The following MIF variants were observed in gnomAD, a reference collection of about 807,000 sequenced individuals.
MIF encodes the protein L-dopachrome isomerase.
In MIF, 16 loss-of-function variants were observed where a neutral mutation model predicts 11.3. The ratio of observed to expected loss-of-function variants is 1.42; its 90% confidence interval spans 0.96 to 2.16. The LOEUF (loss-of-function observed/expected upper bound fraction) is 2.16, where lower values mean the gene tolerates loss of function less well. Among genes scored for constraint, MIF ranks in the 30% most tolerant of loss-of-function variants. The pLI, the probability that MIF is intolerant of heterozygous loss-of-function variation, is 0.00. For synonymous variants in MIF, 83 were observed against 74.2 expected (o/e 1.12, Z -0.61); for missense variants, 229 against 165.3 (o/e 1.39, Z -2.11).
Position 23,894,493 on chromosome 22 carries a change from AACAC to A in MIF, c.20_23del (p.Asn7ThrfsTer95). The A allele has an allele frequency of 6.2e-7, 1 of 1,613,156 alleles. No individual in the cohort carries two copies. The highest frequency in any genetic ancestry group is 8.5e-7 in the Non-Finnish European group (1 of 1,179,794). On this transcript the variant is annotated frameshift_variant, in exon 1 of 3. Coordinates refer to ENST00000215754, the MANE Select transcript of MIF (RefSeq NM_002415.2). LOFTEE classifies it high-confidence loss of function. ...TGCCATCATGCCGATGTTCATCGTA[AACAC>A]CAACGTGCCCCGCGCCTCCGTGCCG...
Position 23,895,088 on chromosome 22 carries a change from C to A in MIF, c.330C>A (p.Asn110Lys). ...YDMNAANVGW[N>K]NSTFA ...TGAACGCGGCCAATGTGGGCTGGAA[C>A]AACTCCACCTTCGCCTAAGAGCCGC... is the stretch of plus-strand genomic sequence containing the variant. The change falls in exon 3 of 3, where the codon AAC (asparagine) becomes AAA (lysine). Residue 110 changes from asparagine to lysine, a missense_variant. Transcript: ENST00000215754. The A allele has an allele frequency of 6.4e-7, 1 of 1,558,254 alleles. No homozygotes were observed. Among genetic ancestry groups the A allele is most frequent in the Admixed American group, 1.9e-5 (1 of 52,028 alleles).
intron 1 of MIF, 69 bp from the exon 2 acceptor site, chr22:23,894,702 CG>C (rs2033122514): frequency 6.8e-7 from 1 of 1,474,522 alleles, no homozygotes. Context: ...GACGGTGGCT[CG>C]GGCCCGAAGT....
chr22:23,894,669 GC>G, intron 1 of MIF, 87 bp downstream of exon 1: 1 of 1,481,080 alleles, frequency 6.8e-7, no homozygotes, highest in Non-Finnish European at 9.0e-7. Context: ...CCTGAACGGA[GC>G]TGGGGGGCGG....
rs1436935185 is a variant in MIF at position 23,895,125 on chromosome 22, C to G, written c.*19C>G. ...CGCCTAAGAGCCGCAGGGACCCACG[C>G]TGTCTGCGCTGGCTCCACCCGGGAA... On this transcript the variant is annotated 3_prime_UTR_variant, in exon 3 of 3. Transcript: ENST00000215754. 1 of 1,551,628 alleles carries G rather than the reference C, an allele frequency of 6.4e-7. No individual in the cohort carries two copies. Among genetic ancestry groups the G allele is most frequent in the Admixed American group, 2.0e-5 (1 of 51,098 alleles).
At chr22:23,894,996 C>T (rs1262324950) in intron 2 of MIF, 44 bp from the exon 3 acceptor site, 2 of 1,541,980 alleles carry the variant, frequency 1.3e-6, no homozygotes, top group Non-Finnish European at 8.8e-7. Context: ...GCGGCCAGGC[C>T]CGGGACTGAG....
chr22:23,894,995 C>T (rs1242298189), intron 2 of MIF, 45 bp from the exon 3 acceptor site: 3 of 1,541,694 alleles, frequency 1.9e-6, no homozygotes, highest in Admixed American at 2.0e-5. Flanking sequence ...CGCGGCCAGG[C>T]CCGGGACTGA....
rs1325048445 is a variant in MIF, at chr22:23,894,612, G to T, written c.108+30G>T. ...GCCGGGAGGGGACAGGAAGAGGGGGGTGCCCACCGGACGAGGGGTTCCGCG... is the reference window on the plus strand; with the variant it reads ...GCCGGGAGGGGACAGGAAGAGGGGGTTGCCCACCGGACGAGGGGTTCCGCG... On this transcript the variant is annotated intron_variant, in intron 1 of 2. Coordinates refer to ENST00000215754, the MANE Select transcript of MIF (RefSeq NM_002415.2). 5.6e-6 allele frequency: 9 copies of T among 1,598,164 alleles called. No homozygotes were observed. The East Asian group carries it at 2.0e-4, about 36-fold the overall frequency.
chr22:23,894,610 G>C lies in MIF; in HGVS notation c.108+28G>C. On this transcript the variant is annotated intron_variant, in intron 1 of 2. Transcript: ENST00000215754. ...TTGCCGGGAGGGGACAGGAAGAGGG[G>C]GGTGCCCACCGGACGAGGGGTTCCG... The C allele has an allele frequency of 3.1e-6, 5 of 1,601,928 alleles. No individual in the cohort carries two copies. The South Asian group carries it at 5.5e-5, about 18-fold the overall frequency.
At chr22:23,894,615 C>G in intron 1 of MIF, 33 bp downstream of exon 1, 2 of 1,594,106 alleles carry the variant, frequency 1.3e-6, no homozygotes, top group South Asian at 2.2e-5. Context: ...GAGGGGGGTG[C>G]CCACCGGACG....
At chr22:23,894,617 C>T (rs1296249458) in intron 1 of MIF, 35 bp downstream of exon 1, 1 of 1,595,682 alleles carries the variant, frequency 6.3e-7, no homozygotes, top group Admixed American at 1.7e-5. Flanking sequence ...GGGGGGTGCC[C>T]ACCGGACGAG....
chr22:23,894,420 G>T lies in MIF; in HGVS notation c.-55G>T, dbSNP rs1161346164. On this transcript the variant is annotated 5_prime_UTR_variant, in exon 1 of 3. Coordinates refer to ENST00000215754, the MANE Select transcript of MIF (RefSeq NM_002415.2). ...GAAGTCAGGCACGTAGCTCAGCGGC[G>T]GCCGCGGCGCGTGCGTCTGTGCCTC... 4 of 1,437,428 alleles carry T rather than the reference G, an allele frequency of 2.8e-6. No homozygotes were observed. The highest frequency in any genetic ancestry group is 4.6e-5 in the East Asian group (2 of 43,764). 89.0% of individuals were successfully genotyped at this position (1,437,428 alleles called of 1,614,324 possible). A position where few individuals can be genotyped will look rare whatever the true frequency, so the allele number is the denominator to read the frequency against.
At position 23,895,051 on chromosome 22, in the gene MIF, A is replaced by G; in HGVS notation, c.293A>G (p.Asn98Ser). The G allele has an allele frequency of 6.4e-7, 1 of 1,556,472 alleles. No homozygotes were observed. Reference sequence around the variant, plus strand: ...TCCTCCCCCCGCAGGGTCTACATCAACTATTACGACATGAACGCGGCCAAT... The same window carrying G: ...TCCTCCCCCCGCAGGGTCTACATCAGCTATTACGACATGAACGCGGCCAAT... ...LRISPDRVYINYYDMNAANVG... is the reference protein window; with the variant it reads ...LRISPDRVYISYYDMNAANVG... The change falls in exon 3 of 3, where the codon AAC becomes AGC. Residue 98 changes from asparagine (N) to serine (S), a missense_variant. By Grantham distance (46) the Asn-to-Ser change is conservative. Transcript: ENST00000215754.
At position 23,894,785 on chromosome 22, in the gene MIF, A is replaced by C. The variant is rs200005486; in HGVS notation, c.122A>C (p.His41Pro). ...TGKPPQYIAVHVVPDQLMAFG... is the reference protein window; with the variant it reads ...TGKPPQYIAVPVVPDQLMAFG... ...CTTTCCTCGCAGTACATCGCGGTGC[A>C]CGTGGTCCCGGACCAGCTCATGGCC... The change falls in exon 2 of 3, where the codon CAC becomes CCC. Residue 41 changes from histidine (H) to proline (P), a missense_variant. Physicochemically the swap from His to Pro is moderately conservative, Grantham distance 77. Transcript: ENST00000215754. 800 of 1,542,718 alleles carry C rather than the reference A, an allele frequency of 5.2e-4. No homozygotes were observed. The highest frequency in any genetic ancestry group is 6.7e-4 in the Non-Finnish European group (767 of 1,147,370).
Position 23,894,813 on chromosome 22 carries a change from C to A in MIF, c.150C>A (p.Phe50Leu). ...VHVVPDQLMAFGGSSEPCALC... is the reference protein window; with the variant it reads ...VHVVPDQLMALGGSSEPCALC... ...TGGTCCCGGACCAGCTCATGGCCTT[C>A]GGCGGCTCCAGCGAGCCGTGCGCGC... The change falls in exon 2 of 3, where the codon TTC (phenylalanine) becomes TTA (leucine). Residue 50 changes from phenylalanine to leucine, a missense_variant. By Grantham distance (22) the Phe-to-Leu change is conservative (BLOSUM62 0). Transcript: ENST00000215754. The A allele has an allele frequency of 1.3e-6, 2 of 1,557,498 alleles. No homozygotes were observed. The highest frequency in any genetic ancestry group is 2.4e-5 in the East Asian group (1 of 42,182).
In MIF at chr22:23,895,031, C is replaced by A. The variant is rs189811391; in HGVS notation, c.282-9C>A. On this transcript the variant is annotated splice_polypyrimidine_tract_variant and intron_variant, in intron 2 of 2. Coordinates refer to ENST00000215754, the MANE Select transcript of MIF (RefSeq NM_002415.2). Reference sequence around the variant, plus strand: ...GCCACCCGCTGAGTCCGGCCTCCTCCCCCCGCAGGGTCTACATCAACTATT... The same window carrying A: ...GCCACCCGCTGAGTCCGGCCTCCTCACCCCGCAGGGTCTACATCAACTATT... 1 of 1,545,302 alleles carries A rather than the reference C, an allele frequency of 6.5e-7. No individual in the cohort carries two copies. The highest frequency in any genetic ancestry group is 8.7e-7 in the Non-Finnish European group (1 of 1,143,438).
Position 23,894,958 on chromosome 22 carries a change from C to G in MIF, c.281+14C>G. 6.5e-7 allele frequency: 1 copy of G among 1,548,542 alleles called. No homozygotes were observed. The highest frequency in any genetic ancestry group is 1.2e-5 in the South Asian group (1 of 84,238). ...CAGCCCGGACAGGTACGCGGAGTCG[C>G]GGAGGGGCGGGGGAGGGGCGGCGGC... On this transcript the variant is annotated intron_variant, in intron 2 of 2. Coordinates refer to ENST00000215754, the MANE Select transcript of MIF (RefSeq NM_002415.2).
chr22:23,894,769 C>G lies in MIF; in HGVS notation c.109-3C>G. The stretch of plus-strand genomic sequence containing the variant: ...GCGGGCTGACCGCGCCCTTTCCTCG[C>G]AGTACATCGCGGTGCACGTGGTCCC... On this transcript the variant is annotated splice_polypyrimidine_tract_variant and splice_region_variant and intron_variant, in intron 1 of 2. Coordinates refer to ENST00000215754, the MANE Select transcript of MIF (RefSeq NM_002415.2). 6.5e-7 allele frequency: 1 copy of G among 1,528,300 alleles called. No individual in the cohort carries two copies. The allele number at this position is 1,528,300 out of a possible 1,614,324, so 94.7% of individuals were successfully genotyped here.
In MIF at chr22:23,895,223, A is replaced by G; in HGVS notation, c.*117A>G. 1 of 1,127,624 alleles carries G rather than the reference A, an allele frequency of 8.9e-7. No individual in the cohort carries two copies. The highest frequency in any genetic ancestry group is 1.3e-6 in the Non-Finnish European group (1 of 760,152). The allele number at this position is 1,127,624 out of a possible 1,614,324, so 69.9% of individuals were successfully genotyped here. A position where few individuals can be genotyped will look rare whatever the true frequency, so the allele number is the denominator to read the frequency against. On this transcript the variant is annotated 3_prime_UTR_variant, in exon 3 of 3. Coordinates refer to ENST00000215754, the MANE Select transcript of MIF (RefSeq NM_002415.2). ...GGGAGAAATAAACGGTTTAGAGACT[A>G]GGAGTGCCTCGGGGTTCCTTGGCTT...
chr22:23,895,032 C>T lies in MIF; in HGVS notation c.282-8C>T, dbSNP rs1336060876. Reference sequence around the variant, plus strand: ...CCACCCGCTGAGTCCGGCCTCCTCCCCCCGCAGGGTCTACATCAACTATTA... The same window carrying T: ...CCACCCGCTGAGTCCGGCCTCCTCCTCCCGCAGGGTCTACATCAACTATTA... On this transcript the variant is annotated splice_region_variant and splice_polypyrimidine_tract_variant and intron_variant, in intron 2 of 2. Transcript: ENST00000215754. 4.5e-6 allele frequency: 7 copies of T among 1,545,794 alleles called. No homozygotes were observed. The highest frequency in any genetic ancestry group is 2.4e-5 in the East Asian group (1 of 41,084).
Sources: gnomAD v4.1 joint callset for allele counts on GRCh38, gnomAD v4.1.1 for gene constraint, MANE v1.5 for transcripts, NCBI Gene and HGNC (gene_info 2026-07-23, HGNC 2026-07-21) for gene names.